Variants in NEMP2 observed in about 807,000 individuals in gnomAD.
NEMP2 encodes UPF0571 transmembrane protein.
NEMP2 carries 53 observed loss-of-function variants against 54.2 expected under a neutral mutation model. The ratio of observed to expected loss-of-function variants is 0.98; its 90% CI spans 0.78 to 1.23. NEMP2 has a LOEUF of 1.23. Among genes scored for constraint, NEMP2 ranks in the 50% most tolerant of loss-of-function variants. The pLI is 0.00. For synonymous variants in NEMP2, 197 were observed against 190.3 expected (o/e 1.04, Z -0.29); for missense variants, 455 against 511.3 (o/e 0.89, Z 1.06).
At chr2:190,624,272 T>C in the NEMP2 span, among the ~76,000 whole-genome samples, 3 of 152,190 alleles carry the variant, frequency 2.0e-5, no homozygotes, top group Non-Finnish European at 4.4e-5. Flanking sequence ...CTAATTAAAA[T>C]GGCTTTTATC....
At chr2:190,569,353 C>T in the NEMP2 span, among the ~76,000 whole-genome samples, 1 of 151,788 alleles carries the variant, frequency 6.6e-6, no homozygotes, top group South Asian at 2.1e-4. Flanking sequence ...TATTACTAAG[C>T]CATTGATTTT....
upstream of NEMP2, chr2:190,536,081 T>G (rs1691366932): frequency 1.3e-5 from 2 of 152,246 alleles, no homozygotes; most frequent in African/African-American, 4.8e-5. Context: ...TAAAGTGCTA[T>G]TTATATCACA....
At chr2:190,555,301 A>G in the NEMP2 span, among the ~76,000 whole-genome samples, 1 of 152,268 alleles carries the variant, frequency 6.6e-6, no homozygotes, top group East Asian at 1.9e-4. This position sits in a 1 kb window ranked among gnomAD's most constrained non-coding sequence, Gnocchi z 4.8. Context: ...CAAGAGAACA[A>G]AACTGGACAG....
At chr2:190,526,364 CACT>C (rs1377573368) in intron 1 of NEMP2, among the ~76,000 whole-genome samples, 3 of 152,026 alleles carry the variant, frequency 2.0e-5, no homozygotes, top group Admixed American at 2.0e-4. Context: ...AGCTTCCAGG[CACT>C]AAGCGGGGAA....
At chr2:190,583,286 A>C in the NEMP2 span, among the ~76,000 whole-genome samples, 1 of 151,654 alleles carries the variant, frequency 6.6e-6, no homozygotes, top group African/African-American at 2.4e-5. Context: ...CTTTTAGGGA[A>C]GATTGTTCTT....
At position 190,513,616 on chromosome 2, in the gene NEMP2, T is replaced by G. The variant is rs1320611748; in HGVS notation, c.953+837A>C. On this transcript the variant is annotated intron_variant, in intron 7 of 8. Transcript: ENST00000409150. This position sits in a 1 kb window ranked among gnomAD's most constrained non-coding sequence, Gnocchi z 5.3. ...GCCATGCATCTGGCCCATGCCCACC[T>G]TGCTTGCTGCACTGACAGCACTGCC... Among the ~76,000 whole-genome samples, 1 of 152,200 alleles carries G rather than the reference T, an allele frequency of 6.6e-6. No individual in the cohort carries two copies. The highest frequency in any genetic ancestry group is 1.9e-4 in the East Asian group (1 of 5,200).
the NEMP2 span, chr2:190,445,049 T>TTAACACCAA: frequency 6.1e-6 from 1 of 163,882 alleles, no homozygotes; most frequent in Non-Finnish European, 1.3e-5. Context: ...GAGTAGGCCT[T>TTAACACCAA]GGTGTTAAGT....
chr2:190,435,630 A>C, the NEMP2 span, among the ~76,000 whole-genome samples: 1 of 118,724 alleles, frequency 8.4e-6, no homozygotes, highest in Non-Finnish European at 1.8e-5. Context: ...AAAATCAAGA[A>C]ACTATAAACA....
the NEMP2 span, among the ~76,000 whole-genome samples, chr2:190,587,789 G>C: frequency 2.0e-5 from 3 of 152,148 alleles, no homozygotes; most frequent in Non-Finnish European, 4.4e-5. The surrounding 1 kb of genome is among the most constrained non-coding windows in gnomAD (Gnocchi z 5.4). Context: ...CAGGAAGTAG[G>C]CTCCGAAATA....
At chr2:190,559,215 C>T in the NEMP2 span, among the ~76,000 whole-genome samples, 1 of 152,120 alleles carries the variant, frequency 6.6e-6, no homozygotes. The surrounding 1 kb of genome is among the most constrained non-coding windows in gnomAD (Gnocchi z 4.0). Flanking sequence ...GATTGAATGG[C>T]CATTCTATTT....
the NEMP2 span, among the ~76,000 whole-genome samples, chr2:190,431,982 C>T: frequency 1.3e-5 from 2 of 152,248 alleles, no homozygotes; most frequent in East Asian, 3.9e-4. The surrounding 1 kb of genome is among the most constrained non-coding windows in gnomAD (Gnocchi z 4.4). Flanking sequence ...AAAGTATTTT[C>T]CTTTTTACTT....
At chr2:190,455,732 G>T in the NEMP2 span, among the ~76,000 whole-genome samples, 2 of 151,848 alleles carry the variant, frequency 1.3e-5, no homozygotes, top group Non-Finnish European at 2.9e-5. Flanking sequence ...TCGTGCGGAG[G>T]TCTCAGAGAT....
At chr2:190,621,099 A>G in the NEMP2 span, among the ~76,000 whole-genome samples, 2 of 152,240 alleles carry the variant, frequency 1.3e-5, no homozygotes, top group Non-Finnish European at 2.9e-5. Context: ...ATTGAAAGAA[A>G]TTAAAGAAGA....
Position 190,534,623 on chromosome 2 carries a change from C to T in NEMP2, c.33G>A (p.Leu11=). 2 of 1,367,684 alleles carry T rather than the reference C, an allele frequency of 1.5e-6. No individual in the cohort carries two copies. The highest frequency in any genetic ancestry group is 3.1e-5 in the East Asian group (1 of 32,562). The allele number at this position is 1,367,684 out of a possible 1,614,324, so 84.7% of individuals were successfully genotyped here. A position where few individuals can be genotyped will look rare whatever the true frequency, so the allele number is the denominator to read the frequency against. Residue 11 remains leucine, a synonymous_variant, in exon 1 of 9, where the codon CTG becomes CTA. Transcript: ENST00000409150. ...GTGTGGCCAGGGGCGGCAGCCAGAG[C>T]AGCAGCCACCACCGCCCTTGGCGCG... MGPRQGRWWL[L]LWLPPLATLP... is the part of the protein sequence containing the mutation.
chr2:190,492,211 C>A, the NEMP2 span, among the ~76,000 whole-genome samples: 1 of 152,156 alleles, frequency 6.6e-6, no homozygotes, highest in Non-Finnish European at 1.5e-5. This position sits in a 1 kb window ranked among gnomAD's most constrained non-coding sequence, Gnocchi z 5.2. Flanking sequence ...GAAGATACAT[C>A]TGAAAGTATG....
At chr2:190,458,374 T>C in the NEMP2 span, among the ~76,000 whole-genome samples, 1 of 152,082 alleles carries the variant, frequency 6.6e-6, no homozygotes, top group African/African-American at 2.4e-5. The surrounding 1 kb of genome is among the most constrained non-coding windows in gnomAD (Gnocchi z 5.3). Context: ...CAAGGGAAGA[T>C]AGGCGATGAC....
the NEMP2 span, among the ~76,000 whole-genome samples, chr2:190,473,770 C>G: frequency 6.6e-6 from 1 of 152,116 alleles, no homozygotes; most frequent in African/African-American, 2.4e-5. Context: ...AATATACATT[C>G]TTTTCAGCAC....
the NEMP2 span, among the ~76,000 whole-genome samples, chr2:190,630,887 G>C: frequency 2.0e-5 from 3 of 151,698 alleles, no homozygotes; most frequent in Non-Finnish European, 4.4e-5. This position sits in a 1 kb window ranked among gnomAD's most constrained non-coding sequence, Gnocchi z 5.5. Flanking sequence ...TATTGGCCAG[G>C]TACAGTGGCT....
the NEMP2 span, among the ~76,000 whole-genome samples, chr2:190,455,544 G>A: frequency 1.3e-5 from 2 of 152,148 alleles, no homozygotes; most frequent in Non-Finnish European, 2.9e-5. Context: ...GCAACTTGGT[G>A]AACCTTTCAG....
Sources: gnomAD v4.1 joint callset for allele counts (sites outside exome capture counted in the v4.1 genomes callset) on GRCh38, gnomAD v4.1.1 for gene constraint, Gnocchi (gnomAD v3.1) non-coding constraint, MANE v1.5 for transcripts, NCBI Gene and HGNC (gene_info 2026-07-23, HGNC 2026-07-21) for gene names.